Variants in LARP1B observed in about 807,000 individuals in gnomAD.
LARP1B encodes la-related protein 1B.
In LARP1B, 76 loss-of-function variants were observed where a neutral mutation model predicts 114.2. That is an observed-to-expected ratio of 0.67 (90% CI 0.55 to 0.81). LARP1B has a LOEUF of 0.81. Among genes scored for constraint, LARP1B ranks in the 30% least tolerant of loss-of-function variants. LARP1B has a pLI of 0.00. For missense variants in LARP1B, 1,014 were observed against 1,075.8 expected (o/e 0.94, Z 0.80); for synonymous variants, 345 against 348.0 (o/e 0.99, Z 0.10).
intron 8 of LARP1B, among the ~76,000 whole-genome samples, chr4:128,098,767 ATTTTTTT>A (rs869184167): frequency 0.017 from 602 of 34,952 alleles, 28 homozygotes; most frequent in Non-Finnish European, 0.019. Context: ...ATATATATAT[ATTTTTTT>A]TTTTTTTTTT....
intron 8 of LARP1B, among the ~76,000 whole-genome samples, chr4:128,100,299 GTCTC>G (rs1779841349): frequency 6.8e-6 from 1 of 146,812 alleles, no homozygotes; most frequent in African/African-American, 2.5e-5. Flanking sequence ...TTGAGACAGA[GTCTC>G]TCTCTGTCGC....
At chr4:128,156,075 C>T in intron 11 of LARP1B, 3 of 1,596,418 alleles carry the variant, frequency 1.9e-6, no homozygotes, top group Non-Finnish European at 2.6e-6. Context: ...TAACTCCTTT[C>T]ACCCCCAGCC....
chr4:128,084,408 C>T (rs965795343), intron 5 of LARP1B, among the ~76,000 whole-genome samples: 4 of 152,250 alleles, frequency 2.6e-5, no homozygotes, highest in African/African-American at 9.6e-5. Context: ...GGATCACTCG[C>T]GGTTAGGAGC....
At chr4:128,123,575 A>G in intron 11 of LARP1B, 1 of 366,730 alleles carries the variant, frequency 2.7e-6, no homozygotes, top group Non-Finnish European at 3.8e-6. Context: ...TGGATGTAAT[A>G]CCAATGACAA....
At chr4:128,155,940 C>G (rs879440829) in intron 11 of LARP1B, 10 of 1,522,206 alleles carry the variant, frequency 6.6e-6, no homozygotes, top group Non-Finnish European at 9.1e-6. Context: ...GGTACACAGG[C>G]GGTACCAGCG....
chr4:128,076,846 C>T (rs921797749), intron 3 of LARP1B, among the ~76,000 whole-genome samples: 6 of 152,054 alleles, frequency 3.9e-5, no homozygotes, highest in African/African-American at 1.4e-4. Flanking sequence ...CCACCTCAGC[C>T]CCATAAGTAG....
intron 7 of LARP1B, chr4:128,222,325 A>G (rs1372422498): frequency 2.2e-6 from 1 of 456,400 alleles, no homozygotes; most frequent in Non-Finnish European, 4.4e-6. Context: ...TTTTTTAACA[A>G]TTTTGCTTAT....
intron 5 of LARP1B, among the ~76,000 whole-genome samples, chr4:128,083,861 C>T (rs1369081440): frequency 1.9e-4 from 29 of 149,322 alleles, no homozygotes; most frequent in Non-Finnish European, 2.2e-4. Context: ...CCTCACTTCC[C>T]AGACGGGGTG....
intron 8 of LARP1B, among the ~76,000 whole-genome samples, chr4:128,104,995 C>A (rs1344433962): frequency 6.6e-6 from 1 of 152,088 alleles, no homozygotes; most frequent in African/African-American, 2.4e-5. Flanking sequence ...CACATTCTAA[C>A]CAACACTACT....
intron 7 of LARP1B, among the ~76,000 whole-genome samples, chr4:128,097,470 G>C (rs1778498258): frequency 6.6e-6 from 1 of 151,936 alleles, no homozygotes; most frequent in Non-Finnish European, 1.5e-5. Flanking sequence ...ACCACACCCG[G>C]ATAATTTTGT....
At chr4:128,158,214 A>T (rs1273556476) in intron 11 of LARP1B, among the ~76,000 whole-genome samples, 1 of 152,140 alleles carries the variant, frequency 6.6e-6, no homozygotes, top group Non-Finnish European at 1.5e-5. Flanking sequence ...ATAGTGGGAG[A>T]TTGTAACACA....
chr4:128,107,616 C>T, intron 9 of LARP1B: 1 of 1,396,738 alleles, frequency 7.2e-7, no homozygotes, highest in East Asian at 2.6e-5. Context: ...GTATCGTTTT[C>T]CCCTGTAAAA....
At chr4:128,103,949 A>G (rs1781224562) in intron 8 of LARP1B, among the ~76,000 whole-genome samples, 1 of 150,880 alleles carries the variant, frequency 6.6e-6, no homozygotes, top group Non-Finnish European at 1.5e-5. Flanking sequence ...TCATCCCACA[A>G]GTTTTTCTTT....
chr4:128,196,179 A>T (rs1481296768), intron 15 of LARP1B, among the ~76,000 whole-genome samples: 1 of 146,160 alleles, frequency 6.8e-6, no homozygotes, highest in Non-Finnish European at 1.5e-5. Context: ...TGAGCCCGGG[A>T]AGCGGATGTC....
intron 17 of LARP1B, among the ~76,000 whole-genome samples, chr4:128,203,626 G>A (rs1264748367): frequency 6.6e-6 from 1 of 151,928 alleles, no homozygotes; most frequent in Non-Finnish European, 1.5e-5. Flanking sequence ...CACCCACCTC[G>A]GCCTCCCAAA....
At chr4:128,073,639 G>A (rs1160588286) in intron 1 of LARP1B, among the ~76,000 whole-genome samples, 1 of 106,432 alleles carries the variant, frequency 9.4e-6, no homozygotes, top group African/African-American at 3.6e-5. Context: ...CGCCCCAGCT[G>A]GAGTGCAGTG....
chr4:128,221,233 T>G (rs948681112), intron 7 of LARP1B, among the ~76,000 whole-genome samples: 1 of 152,228 alleles, frequency 6.6e-6, no homozygotes, highest in African/African-American at 2.4e-5. Flanking sequence ...TTAAATGTTT[T>G]CCTAGAATTA....
chr4:128,131,132 A>G (rs1791450885), intron 11 of LARP1B, among the ~76,000 whole-genome samples: 1 of 152,216 alleles, frequency 6.6e-6, no homozygotes, highest in Non-Finnish European at 1.5e-5. Context: ...CAAAACCCAT[A>G]GAAAATGTAC....
chr4:128,135,792 G>T (rs1007930673), intron 11 of LARP1B, among the ~76,000 whole-genome samples: 4 of 152,156 alleles, frequency 2.6e-5, no homozygotes, highest in African/African-American at 9.7e-5. Flanking sequence ...GGAAAGTGTT[G>T]CTTAATGGGT....
Sources: allele counts gnomAD v4.1 joint callset (sites outside exome capture counted in the v4.1 genomes callset), GRCh38; gene constraint gnomAD v4.1.1; transcripts MANE v1.5; gene names NCBI Gene and HGNC (gene_info 2026-07-23, HGNC 2026-07-21).